Variants in MIER1 observed in about 807,000 individuals in gnomAD.
MIER1 encodes the protein mesoderm induction early response protein 1.
Under a neutral mutation model 75.7 loss-of-function variants are expected in MIER1, and 40 were observed. That is an observed-to-expected ratio of 0.53 (90% CI 0.41 to 0.69). The LOEUF is 0.69. Ranked by LOEUF, MIER1 falls within the 30% of genes least tolerant of loss-of-function variation. The pLI, the probability that MIER1 is intolerant of heterozygous loss-of-function variation, is 0.00. For missense variants in MIER1, 574 were observed against 680.2 expected (o/e 0.84, Z 1.74); for synonymous variants, 213 against 223.4 (o/e 0.95, Z 0.42).
At chr1:66,942,509 G>C (rs977393683) in intron 3 of MIER1, among the ~76,000 whole-genome samples, 2 of 152,144 alleles carry the variant, frequency 1.3e-5, no homozygotes, top group African/African-American at 4.8e-5. Context: ...TCATGACAAA[G>C]CAGTCACATT....
Position 66,940,482 on chromosome 1 carries a change from C to T in MIER1, c.193+430C>T, listed in dbSNP as rs574263516. ...GGAGGGGAAAAATAAAGTAAGCAAA[C>T]GATTCAACAAGTGAATATTTAATGT... On this transcript the variant is annotated intron_variant, in intron 3 of 13. Transcript: ENST00000401041. Among the ~76,000 whole-genome samples, 101 of 151,638 alleles carry T rather than the reference C, an allele frequency of 6.7e-4. 1 individual carries two copies. Among genetic ancestry groups the T allele is most frequent in the African/African-American group, 2.4e-3 (98 of 41,382 alleles).
At chr1:66,947,133 A>G in intron 4 of MIER1, 1 of 385,300 alleles carries the variant, frequency 2.6e-6, no homozygotes, top group Non-Finnish European at 3.6e-6. Flanking sequence ...GAATCTCTGG[A>G]GGTGGTGTTC....
At chr1:66,940,270 CTTTTTTTTTTTTT>C in intron 3 of MIER1, 1 of 130,498 alleles carries the variant, frequency 7.7e-6, no homozygotes, top group South Asian at 2.6e-4. Flanking sequence ...TTTGGGTTTT[CTTTTTTTTTTTTT>C]TTTTTTTTGG....
intron 8 of MIER1, among the ~76,000 whole-genome samples, chr1:66,966,866 C>G (rs1256841048): frequency 6.6e-6 from 1 of 152,084 alleles, no homozygotes; most frequent in African/African-American, 2.4e-5. Flanking sequence ...GATTATTAGA[C>G]TTTTTTCAAT....
At chr1:66,978,002 G>C (rs2101997089) in intron 12 of MIER1, among the ~76,000 whole-genome samples, 1 of 152,044 alleles carries the variant, frequency 6.6e-6, no homozygotes, top group South Asian at 2.1e-4. Context: ...TTTGAGACCA[G>C]CCTGACAAAC....
intron 7 of MIER1, among the ~76,000 whole-genome samples, chr1:66,962,394 T>A (rs2101751936): frequency 6.6e-6 from 1 of 152,356 alleles, no homozygotes; most frequent in East Asian, 1.9e-4. Flanking sequence ...TTTCCTACTT[T>A]GAAGCTCTGT....
chr1:66,928,804 A>G (rs1481149347), intron 2 of MIER1: 2 of 767,376 alleles, frequency 2.6e-6, no homozygotes, highest in Non-Finnish European at 4.3e-6. Flanking sequence ...AATACTGTAC[A>G]GTACAGTTAA....
intron 12 of MIER1, among the ~76,000 whole-genome samples, chr1:66,978,845 A>G (rs1354598022): frequency 1.3e-5 from 2 of 152,180 alleles, no homozygotes; most frequent in African/African-American, 4.8e-5. Flanking sequence ...TTAGGTAGGG[A>G]TGTGCCACCA....
chr1:66,956,867 C>T (rs2025608), intron 4 of MIER1, among the ~76,000 whole-genome samples: 119,052 of 152,134 alleles, frequency 0.78, 46,934 homozygotes, highest in East Asian at 0.88. Context: ...TAATTTCTTC[C>T]CACACATGGA....
At chr1:66,945,289 AT>A (rs1657280934) in intron 3 of MIER1, among the ~76,000 whole-genome samples, 2 of 7,572 alleles carry the variant, frequency 2.6e-4, no homozygotes, top group African/African-American at 1.1e-3. Flanking sequence ...ATATATATAT[AT>A]ATATATATAT....
chr1:66,926,783 A>G (rs1397058126), intron 2 of MIER1, among the ~76,000 whole-genome samples: 4 of 152,164 alleles, frequency 2.6e-5, no homozygotes, highest in Non-Finnish European at 4.4e-5. Context: ...TTAGATATAG[A>G]ATTTTTTAGT....
chr1:66,984,716 C>T lies in MIER1; in HGVS notation c.1514C>T (p.Thr505Ile), dbSNP rs1666542827. The change falls in exon 14 of 14, where the codon ACC (threonine) becomes ATC (isoleucine). Residue 505 changes from threonine to isoleucine, a missense_variant. Physicochemically the swap from Thr to Ile is moderately conservative, Grantham distance 89. Coordinates refer to ENST00000401041, the MANE Select transcript of MIER1 (RefSeq NM_001077700.3). ...AATGGTTATGAAACAGATAACCTTA[C>T]CACTGACCCAAAACTTGCCCATATG... is the stretch of plus-strand genomic sequence containing the variant. ...DTNGYETDNL[T>I]TDPKLAHMTA... 1.9e-6 allele frequency: 3 copies of T among 1,613,844 alleles called. No homozygotes were observed. Among genetic ancestry groups the T allele is most frequent in the South Asian group, 2.2e-5 (2 of 91,078 alleles).
chr1:66,959,764 C>T, intron 7 of MIER1, 21 bp downstream of exon 7: 1 of 1,240,794 alleles, frequency 8.1e-7, no homozygotes, highest in Middle Eastern at 2.0e-4. Context: ...CAATATTTTC[C>T]CAAAATTTAG....
At chr1:66,961,076 T>A (rs1661163803) in intron 7 of MIER1, among the ~76,000 whole-genome samples, 1 of 152,156 alleles carries the variant, frequency 6.6e-6, no homozygotes, top group African/African-American at 2.4e-5. Flanking sequence ...ACCCACACCT[T>A]ACTCAGAAAG....
intron 8 of MIER1, among the ~76,000 whole-genome samples, chr1:66,964,567 C>G (rs1661988723): frequency 6.6e-6 from 1 of 151,858 alleles, no homozygotes; most frequent in Admixed American, 6.6e-5. Context: ...GTTCTCCTGC[C>G]TCAGCCTCCC....
At chr1:66,966,562 G>T (rs1570422180) in intron 8 of MIER1, among the ~76,000 whole-genome samples, 2 of 152,298 alleles carry the variant, frequency 1.3e-5, no homozygotes, top group South Asian at 4.1e-4. Context: ...ATAATGGGAT[G>T]GCTGGGTCAA....
chr1:66,946,593 C>G, intron 4 of MIER1: 2 of 1,041,830 alleles, frequency 1.9e-6, no homozygotes, highest in Non-Finnish European at 2.3e-6. Context: ...TACACGGCCT[C>G]ATATATCCTT....
At chr1:66,967,140 T>G (rs564509104) in intron 8 of MIER1, among the ~76,000 whole-genome samples, 5 of 152,232 alleles carry the variant, frequency 3.3e-5, no homozygotes, top group Non-Finnish European at 7.3e-5. Context: ...TTTCATAGTT[T>G]GAGGTCTTAG....
intron 4 of MIER1, among the ~76,000 whole-genome samples, chr1:66,953,597 T>C (rs1245590939): frequency 7.7e-6 from 1 of 129,172 alleles, no homozygotes; most frequent in East Asian, 2.2e-4. Context: ...TTTCTTTTCC[T>C]TTTTTTTTTT....
Sources: gnomAD v4.1 joint callset for allele counts (sites outside exome capture counted in the v4.1 genomes callset) on GRCh38, gnomAD v4.1.1 for gene constraint, MANE v1.5 for transcripts, NCBI Gene and HGNC (gene_info 2026-07-23, HGNC 2026-07-21) for gene names.